SUB1: variants seen among roughly 807,000 people sequenced by gnomAD.
SUB1 encodes activated RNA polymerase II transcriptional coactivator p15.
A neutral mutation model predicts 16.9 loss-of-function variants in SUB1; 1 was observed. That is an observed-to-expected ratio of 0.06 (90% CI 0.02 to 0.28). The LOEUF is 0.28. Among genes scored for constraint, SUB1 ranks in the 10% least tolerant of loss-of-function variants. The probability of loss-of-function intolerance (pLI) is 1.00; values close to 1 mark genes in which losing one functional copy is unlikely to be tolerated. For synonymous variants in SUB1, 51 were observed against 46.9 expected (o/e 1.09, Z -0.36); for missense variants, 84 against 145.2 (o/e 0.58, Z 2.16).
chr5:32,585,724 G>A (rs1039917656), intron 1 of SUB1, 99 bp downstream of exon 1: 11 of 152,342 alleles, frequency 7.2e-5, no homozygotes, highest in Non-Finnish European at 1.3e-4. Flanking sequence ...CGCCGGCAAT[G>A]GCCGCGGGAA....
At chr5:32,593,347 A>G (rs897866082) in intron 3 of SUB1, among the ~76,000 whole-genome samples, 2 of 152,144 alleles carry the variant, frequency 1.3e-5, no homozygotes, top group Non-Finnish European at 2.9e-5. Flanking sequence ...AGGCTAACAC[A>G]TGTATATTTT....
intron 1 of SUB1, among the ~76,000 whole-genome samples, chr5:32,586,729 TA>T (rs1738680148): frequency 1.3e-5 from 2 of 152,216 alleles, no homozygotes; most frequent in Admixed American, 6.5e-5. Flanking sequence ...TTAATTAGCA[TA>T]AAAAACTTAA....
rs148120673 is a variant in SUB1 at position 32,601,850 on chromosome 5, G to C, written c.*766G>C. 111 of 161,634 alleles carry C rather than the reference G, an allele frequency of 6.9e-4. 2 individuals are homozygous for C. In the East Asian group the frequency reaches 7.4e-3, roughly 11 times the overall value. 10.0% of individuals were successfully genotyped at this position (161,634 alleles called of 1,614,324 possible). On this transcript the variant is annotated 3_prime_UTR_variant, in exon 5 of 5. Transcript: ENST00000265073. The stretch of plus-strand genomic sequence containing the variant: ...CTGCAGAAAATAATGACTTAGATGA[G>C]ATGTCTGACTTGCTTTCACTTATTA...
At chr5:32,596,386 T>A (rs1269266985) in intron 3 of SUB1, 1 of 152,220 alleles carries the variant, frequency 6.6e-6, no homozygotes, top group Non-Finnish European at 1.5e-5. Flanking sequence ...TAAAAAAGGC[T>A]TTAGTGTGAT....
intron 3 of SUB1, chr5:32,597,555 A>G (rs567787250): frequency 6.6e-6 from 1 of 152,186 alleles, no homozygotes; most frequent in African/African-American, 2.4e-5. Context: ...CTGTGCTTTC[A>G]ATTTTTTGGG....
intron 4 of SUB1, among the ~76,000 whole-genome samples, chr5:32,599,961 CT>C: frequency 6.6e-6 from 1 of 152,294 alleles, no homozygotes; most frequent in Non-Finnish European, 1.5e-5. Context: ...TATAAAATTT[CT>C]GTTCATACTT....
At chr5:32,588,657 A>G (rs1470826963) in intron 2 of SUB1, 73 bp downstream of exon 2, 2 of 1,452,036 alleles carry the variant, frequency 1.4e-6, no homozygotes, top group Non-Finnish European at 1.9e-6. Flanking sequence ...GAAGGATAGT[A>G]AAAGGTGTAT....
chr5:32,587,829 G>GTCTT (rs1738711675), intron 1 of SUB1, among the ~76,000 whole-genome samples: 1 of 152,038 alleles, frequency 6.6e-6, no homozygotes, highest in African/African-American at 2.4e-5. Flanking sequence ...GGCTGGTCTC[G>GTCTT]AACTCCTGAC....
rs115972637 is a variant in SUB1 at position 32,587,524 on chromosome 5, C to G, written c.-1-988C>G. Among the ~76,000 whole-genome samples the G allele has an allele frequency of 5.4e-3, 823 of 152,166 alleles. 5 individuals are homozygous for G. Among genetic ancestry groups the G allele is most frequent in the African/African-American group, 0.019 (781 of 41,496 alleles). ...CACCTCCCATAAATAGGTTTTGCAC[C>G]TCCCATAAATAGGTTCTTCAAATTT... On this transcript the variant is annotated intron_variant, in intron 1 of 4. Coordinates refer to ENST00000265073, the MANE Select transcript of SUB1 (RefSeq NM_006713.4).
intron 2 of SUB1, among the ~76,000 whole-genome samples, chr5:32,590,457 T>C (rs1215258256): frequency 6.6e-6 from 1 of 152,064 alleles, no homozygotes; most frequent in East Asian, 1.9e-4. Flanking sequence ...ACGTTGTGAT[T>C]TTTGAAAGCT....
At chr5:32,586,682 A>G (rs1204546184) in intron 1 of SUB1, among the ~76,000 whole-genome samples, 1 of 152,214 alleles carries the variant, frequency 6.6e-6, no homozygotes, top group South Asian at 2.1e-4. Flanking sequence ...ATTATGTTCA[A>G]TTTAATTACC....
intron 3 of SUB1, chr5:32,596,949 CTGTG>C (rs1369559647): frequency 2.6e-5 from 4 of 152,112 alleles, no homozygotes; most frequent in Admixed American, 1.3e-4. Flanking sequence ...CTCAATCTGA[CTGTG>C]AGTGAGGTGC....
chr5:32,592,882 G>A (rs1738865430), intron 3 of SUB1, among the ~76,000 whole-genome samples: 1 of 152,152 alleles, frequency 6.6e-6, no homozygotes, highest in South Asian at 2.1e-4. Context: ...AGAATGGAAG[G>A]AAAAAGAGGA....
intron 1 of SUB1, among the ~76,000 whole-genome samples, chr5:32,587,046 A>G (rs1738690723): frequency 6.6e-6 from 1 of 152,162 alleles, no homozygotes; most frequent in Non-Finnish European, 1.5e-5. Flanking sequence ...AAACAAATAC[A>G]GTGTGTGATG....
intron 1 of SUB1, among the ~76,000 whole-genome samples, chr5:32,587,300 A>G (rs546424588): frequency 3.6e-4 from 55 of 152,318 alleles, no homozygotes; most frequent in Non-Finnish European, 5.7e-4. Context: ...CTGGTGTTAT[A>G]AGTGCCTTGA....
intron 1 of SUB1, 21 bp from the exon 2 acceptor site, chr5:32,588,491 T>G (rs1277442162): frequency 1.9e-6 from 3 of 1,604,588 alleles, no homozygotes; most frequent in African/African-American, 2.7e-5. Context: ...TAATTATTTT[T>G]GTAATGTATT....
In SUB1 at chr5:32,591,558, T is replaced by C. The variant is rs550113397; in HGVS notation, c.73-5T>C. 302 of 1,588,480 alleles carry C rather than the reference T, an allele frequency of 1.9e-4. 2 individuals carry two copies. In the East Asian group the frequency reaches 4.1e-3, roughly 21 times the overall value. ...TGTGCAAATTTTAACCATATTCTTTTCTAGTTAAAGAGGAAAAAGCAAGTT... is the reference window on the plus strand; with the variant it reads ...TGTGCAAATTTTAACCATATTCTTTCCTAGTTAAAGAGGAAAAAGCAAGTT... On this transcript the variant is annotated splice_region_variant and splice_polypyrimidine_tract_variant and intron_variant, in intron 2 of 4. Transcript: ENST00000265073.
intron 1 of SUB1, chr5:32,585,998 T>TC (rs1738651079): frequency 6.6e-6 from 1 of 152,122 alleles, no homozygotes; most frequent in Admixed American, 6.5e-5. Context: ...TACCTACTCT[T>TC]CCCCCGCCCC....
At chr5:32,597,144 G>A (rs1188649403) in intron 3 of SUB1, 2 of 151,326 alleles carry the variant, frequency 1.3e-5, no homozygotes, top group East Asian at 3.9e-4. Flanking sequence ...TTTTTTGCTG[G>A]TAAAAACCAT....
Sources: allele counts gnomAD v4.1 joint callset (sites outside exome capture counted in the v4.1 genomes callset), GRCh38; gene constraint gnomAD v4.1.1; transcripts MANE v1.5; gene names NCBI Gene and HGNC (gene_info 2026-07-23, HGNC 2026-07-21).